The following MTHFD1 variants were observed in gnomAD, a reference collection of about 807,000 sequenced individuals.
MTHFD1 encodes the protein C-1-tetrahydrofolate synthase, cytoplasmic.
MTHFD1 carries 44 observed loss-of-function variants against 110.3 expected under a neutral mutation model. That is an observed-to-expected ratio of 0.40 (90% CI 0.31 to 0.51). The LOEUF (loss-of-function observed/expected upper bound fraction) is 0.51, where lower values mean the gene tolerates loss of function less well. Ranked by LOEUF, MTHFD1 falls within the 20% of genes least tolerant of loss-of-function variation. MTHFD1 has a pLI of 0.60. For missense variants in MTHFD1, 909 were observed against 1,173.1 expected, an observed-to-expected ratio of 0.77 and a Z score of 3.29; for synonymous variants, 402 against 428.8, an observed-to-expected ratio of 0.94 and a Z score of 0.77.
Position 64,415,762 on chromosome 14 carries a change from C to T in MTHFD1, c.478+23C>T, listed in dbSNP as rs769780633. ...CAGGTAAAAACAACAAACCAAACAA[C>T]AAGAAAGCACCATTTCCTGAATCCT... On this transcript the variant is annotated intron_variant, in intron 6 of 27. Transcript: ENST00000652337. 8 of 1,609,712 alleles carry T rather than the reference C, an allele frequency of 5.0e-6. No homozygotes were observed. The African/African-American group carries it at 9.4e-5, about 19-fold the overall frequency.
chr14:64,438,090 C>G (rs1258451582), intron 16 of MTHFD1, among the ~76,000 whole-genome samples: 1 of 152,178 alleles, frequency 6.6e-6, no homozygotes, highest in Admixed American at 6.5e-5. Flanking sequence ...TCAGGCTGGC[C>G]TCGAACTTTT....
chr14:64,428,153 G>A (rs914510407), intron 12 of MTHFD1, among the ~76,000 whole-genome samples: 1 of 123,426 alleles, frequency 8.1e-6, no homozygotes, highest in Non-Finnish European at 1.6e-5. Flanking sequence ...TCACTCTGTC[G>A]CCCAGGCTGG....
At chr14:64,416,453 G>A (rs1260564956) in intron 6 of MTHFD1, among the ~76,000 whole-genome samples, 3 of 152,134 alleles carry the variant, frequency 2.0e-5, no homozygotes, top group Non-Finnish European at 4.4e-5. Flanking sequence ...AATGGGCACT[G>A]AATCTCCACA....
chr14:64,388,543 AT>A, intron 1 of MTHFD1, 75 bp downstream of exon 1: 4 of 1,408,484 alleles, frequency 2.8e-6, no homozygotes, highest in Non-Finnish European at 4.0e-6. Context: ...CCCCGGACCC[AT>A]TTTTTGCGGG....
intron 22 of MTHFD1, among the ~76,000 whole-genome samples, chr14:64,445,897 T>C (rs984452895): frequency 1.3e-5 from 2 of 152,344 alleles, no homozygotes; most frequent in African/African-American, 4.8e-5. Context: ...CAGTGTTCTT[T>C]AGAAGCTCAA....
intron 22 of MTHFD1, among the ~76,000 whole-genome samples, chr14:64,446,473 A>G (rs556259369): frequency 1.5e-4 from 23 of 152,196 alleles, no homozygotes; most frequent in Non-Finnish European, 3.1e-4. Flanking sequence ...GCTGCAGTAA[A>G]CATACTTAAA....
intron 23 of MTHFD1, 194 bp downstream of exon 23, chr14:64,448,511 C>CA (rs2078315116): frequency 1.6e-6 from 1 of 613,020 alleles, no homozygotes; most frequent in Non-Finnish European, 3.0e-6. Flanking sequence ...GTCCCAAAGT[C>CA]AGATTCAGCT....
intron 21 of MTHFD1, among the ~76,000 whole-genome samples, chr14:64,443,834 G>T (rs2078267262): frequency 6.6e-6 from 1 of 152,130 alleles, no homozygotes; most frequent in African/African-American, 2.4e-5. Flanking sequence ...GTGCATGGAG[G>T]GGAACATTTG....
intron 11 of MTHFD1, among the ~76,000 whole-genome samples, chr14:64,426,466 GTTGT>G (rs1336281672): frequency 6.6e-6 from 1 of 151,934 alleles, no homozygotes; most frequent in African/African-American, 2.4e-5. Context: ...ACCTTTTGCT[GTTGT>G]TGTTGTTGTT....
At chr14:64,400,158 G>T (rs1405763825) in intron 1 of MTHFD1, among the ~76,000 whole-genome samples, 1 of 151,538 alleles carries the variant, frequency 6.6e-6, no homozygotes, top group East Asian at 1.9e-4. Flanking sequence ...GGAAGCTGAG[G>T]TGGGGGGATC....
chr14:64,433,167 G>C (rs1004579240), intron 15 of MTHFD1, among the ~76,000 whole-genome samples: 8 of 152,144 alleles, frequency 5.3e-5, no homozygotes, highest in African/African-American at 1.7e-4. Flanking sequence ...TATCTCCCAG[G>C]CTGGAGTGCA....
In MTHFD1 at chr14:64,431,775, CT is replaced by C. The variant is rs762253910; in HGVS notation, c.1420-8del. 3.7e-6 allele frequency: 6 copies of C among 1,613,658 alleles called. No individual in the cohort carries two copies. In the South Asian group the frequency reaches 6.6e-5, roughly 18 times the overall value. ...GCTCCTCTCATTTTAAAGCCCCTTT[CT>C]TTTCTTTAAGGCTCTCTTTAATCGT... On this transcript the variant is annotated splice_polypyrimidine_tract_variant and intron_variant, in intron 14 of 27. Transcript: ENST00000652337.
At position 64,442,374 on chromosome 14, in the gene MTHFD1, C is replaced by G. The variant is rs1243067418; in HGVS notation, c.2108C>G (p.Ala703Gly). The change falls in exon 21 of 28, where the codon GCT becomes GGT. Residue 703 changes from alanine to glycine, a missense_variant. Transcript: ENST00000652337. ...GTGGTGCTTGTTGCCACTGTCAGGGCTCTCAAGATGCACGGGGGCGGCCCC... is the reference window on the plus strand; with the variant it reads ...GTGGTGCTTGTTGCCACTGTCAGGGGTCTCAAGATGCACGGGGGCGGCCCC... ...HVVVLVATVR[A>G]LKMHGGGPTV... The G allele has an allele frequency of 3.1e-6, 5 of 1,614,178 alleles. No individual in the cohort carries two copies. The South Asian group carries it at 4.4e-5, about 14-fold the overall frequency.
intron 1 of MTHFD1, among the ~76,000 whole-genome samples, chr14:64,394,980 CG>C: frequency 6.6e-6 from 1 of 152,252 alleles, no homozygotes; most frequent in South Asian, 2.1e-4. Context: ...TCAGCTCTAG[CG>C]GCCAGATCTA....
In MTHFD1 at chr14:64,460,012, T is replaced by C. The variant is rs2078536070; in HGVS notation, c.*258T>C. 1 of 1,212,714 alleles carries C rather than the reference T, an allele frequency of 8.2e-7. No homozygotes were observed. The highest frequency in any genetic ancestry group is 1.1e-6 in the Non-Finnish European group (1 of 870,718). The allele number at this position is 1,212,714 out of a possible 1,614,324, so 75.1% of individuals were successfully genotyped here. On this transcript the variant is annotated 3_prime_UTR_variant, in exon 28 of 28. Transcript: ENST00000652337. ...AAAGGAAACAAGTTTGCCATCTTGG[T>C]GTTGCAATATGAATTACAGCCTTAA... is the stretch of plus-strand genomic sequence containing the variant.
intron 1 of MTHFD1, among the ~76,000 whole-genome samples, chr14:64,399,350 T>C (rs953247899): frequency 5.9e-5 from 9 of 152,142 alleles, no homozygotes; most frequent in Admixed American, 1.3e-4. Context: ...GCTCAGTTAG[T>C]GTCAGTGGGA....
rs372627541 is a variant in MTHFD1 at position 64,431,896 on chromosome 14, A to T, written c.1494+35A>T. 1.1e-5 allele frequency: 18 copies of T among 1,570,186 alleles called. No individual in the cohort carries two copies. The African/African-American group carries it at 2.4e-4, about 21-fold the overall frequency. ...TTTTCTTCCACATTTTTTATATTGT[A>T]TGGAATCTGGAATCTGATCATTGAT... On this transcript the variant is annotated intron_variant, in intron 15 of 27. Transcript: ENST00000652337.
chr14:64,418,314 G>A (rs1479127764), intron 7 of MTHFD1, among the ~76,000 whole-genome samples: 1 of 151,698 alleles, frequency 6.6e-6, no homozygotes, highest in Non-Finnish European at 1.5e-5. Context: ...GCCAGATGGG[G>A]TGGGCACATG....
At chr14:64,396,368 G>A (rs1596529703) in intron 1 of MTHFD1, among the ~76,000 whole-genome samples, 1 of 144,474 alleles carries the variant, frequency 6.9e-6, no homozygotes, top group Admixed American at 7.1e-5. Context: ...TACATATTAA[G>A]TTTTTAAAAA....
Sources: allele counts gnomAD v4.1 joint callset (sites outside exome capture counted in the v4.1 genomes callset), GRCh38; gene constraint gnomAD v4.1.1; transcripts MANE v1.5; gene names NCBI Gene and HGNC (gene_info 2026-07-23, HGNC 2026-07-21).